DNAH10: variants seen among roughly 807,000 people sequenced by gnomAD.
The protein encoded by DNAH10 is dynein axonemal heavy chain 10, also known as axonemal beta dynein heavy chain 10.
Under a neutral mutation model 506.6 loss-of-function variants are expected in DNAH10, and 348 were observed. The observed-to-expected ratio is 0.69, with a 90% confidence interval of 0.63 to 0.75. The LOEUF (loss-of-function observed/expected upper bound fraction) is 0.75, where lower values mean the gene tolerates loss of function less well. DNAH10 is among the 30% of genes least tolerant of loss of function. DNAH10 has a pLI of 0.00. For missense variants in DNAH10, 5,179 were observed against 5,787.1 expected, an observed-to-expected ratio of 0.89 and a Z score of 3.41; for synonymous variants, 2,059 against 2,198.6, an observed-to-expected ratio of 0.94 and a Z score of 1.78.
rs746227395 is a variant in DNAH10 at position 123,898,825 on chromosome 12, G to A, written c.9640+11G>A. 4.4e-5 allele frequency: 71 copies of A among 1,596,814 alleles called. No homozygotes were observed. Among genetic ancestry groups the A allele is most frequent in the Non-Finnish European group, 5.9e-5 (69 of 1,170,708 alleles). On this transcript the variant is annotated intron_variant, in intron 56 of 78. Coordinates refer to ENST00000673944, the MANE Select transcript of DNAH10 (RefSeq NM_001372106.1). ...TCAACACCGCTGTAGGTGAGTGAGG[G>A]CGGGGCCAGGGCAGCCCATCCCCAA...
chr12:123,931,714 T>C lies in DNAH10; in HGVS notation c.12995T>C (p.Val4332Ala). The change falls in exon 75 of 79, where the codon GTC becomes GCC. Residue 4332 changes from valine (V) to alanine (A), a missense_variant. This residue lies in a region of DNAH10 where 4,844 missense variants were observed against 5,430.5 expected (regional missense o/e 0.89). Transcript: ENST00000673944. ...GAAATAGAAAACAAGATGCCCAAAGTCTTTGACTTGGACCAGGTGAGGAAG... is the reference window on the plus strand; with the variant it reads ...GAAATAGAAAACAAGATGCCCAAAGCCTTTGACTTGGACCAGGTGAGGAAG... ...AKEIENKMPK[V>A]FDLDQVRKRL... 1.2e-6 allele frequency: 2 copies of C among 1,614,000 alleles called. No homozygotes were observed. Among genetic ancestry groups the C allele is most frequent in the Non-Finnish European group, 8.5e-7 (1 of 1,179,902 alleles).
At chr12:123,900,494 G>A (rs1389815748) in intron 56 of DNAH10, among the ~76,000 whole-genome samples, 5 of 152,288 alleles carry the variant, frequency 3.3e-5, no homozygotes, top group South Asian at 2.1e-4. Context: ...ACTGAGGACC[G>A]CCTATTTGCC....
At position 123,853,962 on chromosome 12, in the gene DNAH10, A is replaced by C. The variant is rs978625831; in HGVS notation, c.6438+610A>C. 2.6e-5 allele frequency among the ~76,000 whole-genome samples: 4 copies of C among 151,170 alleles called. No individual in the cohort carries two copies. Among genetic ancestry groups the C allele is most frequent in the African/African-American group, 9.8e-5 (4 of 40,914 alleles). ...CACGCACACACACACACATTTGGGT[A>C]GTAAAAAAAAAACAGCCGTGAGTGC... On this transcript the variant is annotated intron_variant, in intron 36 of 78. Coordinates refer to ENST00000673944, the MANE Select transcript of DNAH10 (RefSeq NM_001372106.1). This position sits in a 1 kb window ranked among gnomAD's most constrained non-coding sequence, Gnocchi z 4.7.
rs1413752957 is a variant in DNAH10, at chr12:123,903,840, G to A, written c.9815+727G>A. On this transcript the variant is annotated intron_variant, in intron 57 of 78. Coordinates refer to ENST00000673944, the MANE Select transcript of DNAH10 (RefSeq NM_001372106.1). This position sits in a 1 kb window ranked among gnomAD's most constrained non-coding sequence, Gnocchi z 4.6. Reference sequence around the variant, plus strand: ...CTCTGCCCCTGTGCTGCCTGGCCCCGCACAGACCCCTCGGCGTGGGAGCCT... The same window carrying A: ...CTCTGCCCCTGTGCTGCCTGGCCCCACACAGACCCCTCGGCGTGGGAGCCT... Among the ~76,000 whole-genome samples the A allele has an allele frequency of 1.3e-5, 2 of 152,080 alleles. No homozygotes were observed. The highest frequency in any genetic ancestry group is 2.4e-5 in the African/African-American group (1 of 41,404).
chr12:123,776,255 C>T (rs1485535950), intron 5 of DNAH10, among the ~76,000 whole-genome samples: 1 of 152,060 alleles, frequency 6.6e-6, no homozygotes, highest in East Asian at 1.9e-4. Flanking sequence ...CCTTGAGGAT[C>T]AGGCCATGGG....
intron 43 of DNAH10, among the ~76,000 whole-genome samples, chr12:123,869,033 C>T (rs974095776): frequency 3.3e-5 from 5 of 152,214 alleles, no homozygotes; most frequent in African/African-American, 1.2e-4. Flanking sequence ...ATCTTGGGGG[C>T]CTGAATGGCC....
At chr12:123,816,275 A>G (rs1251297877) in intron 21 of DNAH10, among the ~76,000 whole-genome samples, 2 of 152,224 alleles carry the variant, frequency 1.3e-5, no homozygotes, top group Non-Finnish European at 2.9e-5. Context: ...TGGTTGCCAG[A>G]AAGATCAAGC....
At chr12:123,844,530 A>T (rs937294052) in intron 30 of DNAH10, among the ~76,000 whole-genome samples, 2 of 152,156 alleles carry the variant, frequency 1.3e-5, no homozygotes. Flanking sequence ...TTAAGGGAGG[A>T]TGAGATGTTT....
chr12:123,772,507 A>G (rs1957291657), intron 3 of DNAH10, among the ~76,000 whole-genome samples: 1 of 152,246 alleles, frequency 6.6e-6, no homozygotes, highest in African/African-American at 2.4e-5. Flanking sequence ...AGCCTGGCCT[A>G]TGCTTACCAA....
intron 1 of DNAH10, among the ~76,000 whole-genome samples, chr12:123,766,886 T>TTTTTC (rs1291297204): frequency 1.3e-5 from 2 of 151,054 alleles, no homozygotes; most frequent in East Asian, 3.9e-4. Flanking sequence ...TCCCTTCAGT[T>TTTTTC]TTTTCTTTTC....
chr12:123,771,523 C>T, intron 2 of DNAH10, 78 bp from the exon 3 acceptor site: 1 of 1,218,164 alleles, frequency 8.2e-7, no homozygotes, highest in Non-Finnish European at 1.2e-6. Flanking sequence ...TACTGGTGCA[C>T]AAAATGCAGG....
chr12:123,793,317 G>A (rs1958151750), intron 11 of DNAH10, among the ~76,000 whole-genome samples: 1 of 151,426 alleles, frequency 6.6e-6, no homozygotes, highest in Non-Finnish European at 1.5e-5. Flanking sequence ...GCATTAGGTT[G>A]TAACTACCTG....
intron 21 of DNAH10, among the ~76,000 whole-genome samples, chr12:123,814,460 C>T (rs1959066307): frequency 1.3e-5 from 2 of 152,126 alleles, no homozygotes; most frequent in Non-Finnish European, 2.9e-5. Context: ...TTTGTGAGCT[C>T]CACATCCTAA....
At chr12:123,768,032 T>C (rs7135874) in intron 2 of DNAH10, among the ~76,000 whole-genome samples, 54,113 of 151,940 alleles carry the variant, frequency 0.36, 11,770 homozygotes, top group African/African-American at 0.61. Flanking sequence ...AGGGTGTCCT[T>C]GGCCTGCAGC....
intron 73 of DNAH10, among the ~76,000 whole-genome samples, chr12:123,930,927 G>A (rs950219634): frequency 6.6e-6 from 1 of 152,142 alleles, no homozygotes; most frequent in African/African-American, 2.4e-5. Context: ...GCTCGCACCT[G>A]TAATCCCTTC....
chr12:123,835,636 T>A, intron 28 of DNAH10, 108 bp downstream of exon 28: 6 of 1,433,454 alleles, frequency 4.2e-6, no homozygotes, highest in Non-Finnish European at 5.6e-6. Context: ...TTCTCTCTCA[T>A]TTTTTAGAGA....
rs373800707 is a variant in DNAH10 at position 123,785,721 on chromosome 12, C to A, written c.1231-25C>A. The A allele has an allele frequency of 6.5e-7, 1 of 1,539,012 alleles. No homozygotes were observed. The highest frequency in any genetic ancestry group is 1.2e-5 in the South Asian group (1 of 80,892). On this transcript the variant is annotated intron_variant, in intron 8 of 78. Coordinates refer to ENST00000673944, the MANE Select transcript of DNAH10 (RefSeq NM_001372106.1). This position sits in a 1 kb window ranked among gnomAD's most constrained non-coding sequence, Gnocchi z 4.1. ...TGGACCCCAAGGCTAAGGGCTCTTG[C>A]GTGGCTCTCTCCTCTCTTGGTCAGA...
intron 28 of DNAH10, among the ~76,000 whole-genome samples, chr12:123,836,858 C>CT (rs879460188): frequency 0.017 from 2,456 of 144,652 alleles, 62 homozygotes; most frequent in African/African-American, 0.057. Flanking sequence ...GTCTCTCTCT[C>CT]TTTTTTTTTT....
chr12:123,773,952 A>G (rs558836522), intron 4 of DNAH10, among the ~76,000 whole-genome samples, 197 bp from the exon 5 acceptor site: 1 of 152,366 alleles, frequency 6.6e-6, no homozygotes, highest in African/African-American at 2.4e-5. Flanking sequence ...CACGAACCAC[A>G]GTGCATTGGT....
Sources: allele counts gnomAD v4.1 joint callset (sites outside exome capture counted in the v4.1 genomes callset), GRCh38; gene constraint gnomAD v4.1.1; regional missense constraint gnomAD v4.1.1; non-coding constraint Gnocchi (gnomAD v3.1); transcripts MANE v1.5; gene names NCBI Gene and HGNC (gene_info 2026-07-23, HGNC 2026-07-21).